The following SH2B1 variants were observed in gnomAD, a reference collection of about 807,000 sequenced individuals.
SH2B1 encodes SH2B adapter protein 1.
Under a neutral mutation model 62.6 loss-of-function variants are expected in SH2B1, and 15 were observed. That is an observed-to-expected ratio of 0.24 (90% CI 0.16 to 0.37). The LOEUF (loss-of-function observed/expected upper bound fraction) is 0.37. Among genes scored for constraint, SH2B1 ranks in the 10% least tolerant of loss-of-function variants. The pLI is 1.00. For missense variants in SH2B1, 925 were observed against 1,015.6 expected (o/e 0.91, Z 1.21); for synonymous variants, 443 against 438.0 (o/e 1.01, Z -0.14).
At chr16:28,858,829 A>G (rs1178120079) in intron 1 of SH2B1, among the ~76,000 whole-genome samples, 1 of 150,332 alleles carries the variant, frequency 6.7e-6, no homozygotes, top group East Asian at 2.0e-4. Context: ...AATCTCAGCT[A>G]TTCGGGAGGC....
Position 28,863,874 on chromosome 16 carries a change from TG to T in SH2B1, c.-2216del. 6.6e-7 allele frequency: 1 copy of T among 1,513,230 alleles called. No individual in the cohort carries two copies. The highest frequency in any genetic ancestry group is 1.2e-5 in the South Asian group (1 of 82,684). 93.7% of individuals were successfully genotyped at this position (1,513,230 alleles called of 1,614,324 possible). On this transcript the variant is annotated 5_prime_UTR_variant, in exon 1 of 8. Transcript: ENST00000684370. Reference sequence around the variant, plus strand: ...GGCTGGGCGCTCGTCGCGTAGTGGGTGGGGGCGCAGGGAGCGGGAGCCGCCG... The same window carrying T: ...GGCTGGGCGCTCGTCGCGTAGTGGGTGGGGCGCAGGGAGCGGGAGCCGCCG...
At position 28,864,105 on chromosome 16, in the gene SH2B1, G is replaced by T; in HGVS notation, c.-1990G>T. ...GTGCAGCAGACAGGGCTGGTCCCGA[G>T]GTGGATGCGGCCCCGGAAAATGGGC... is the stretch of plus-strand genomic sequence containing the variant. On this transcript the variant is annotated 5_prime_UTR_variant, in exon 1 of 8. It adds an upstream start codon to the 5' untranslated region. Transcript: ENST00000684370. 8.1e-7 allele frequency: 1 copy of T among 1,240,540 alleles called. No individual in the cohort carries two copies. Among genetic ancestry groups the T allele is most frequent in the East Asian group, 4.3e-5 (1 of 23,014 alleles). The allele number at this position is 1,240,540 out of a possible 1,614,324, so 76.8% of individuals were successfully genotyped here.
chr16:28,871,030 TG>T (rs1962998780), intron 4 of SH2B1, among the ~76,000 whole-genome samples: 1 of 150,204 alleles, frequency 6.7e-6, no homozygotes, highest in Non-Finnish European at 1.5e-5. Flanking sequence ...TGTGTGTGTG[TG>T]TTTTGAGACA....
chr16:28,871,804 G>A lies in SH2B1; in HGVS notation c.1334G>A (p.Arg445His), dbSNP rs766274908. The stretch of plus-strand genomic sequence containing the variant: ...GGGGCATATGGGGGCCTCTCAGACC[G>A]CCCCTCGGCATCCATCTCCCCCAGC... ...SQGAYGGLSD[R>H]PSASISPSSA... is the part of the protein sequence containing the mutation. Residue 445 changes from arginine (R) to histidine (H), a missense_variant, in exon 5 of 8, where the codon CGC (arginine) becomes CAC (histidine). Physicochemically the swap from Arg to His is conservative, Grantham distance 29. Coordinates refer to ENST00000684370, the MANE Select transcript of SH2B1 (RefSeq NM_001387430.1). The A allele has an allele frequency of 1.2e-6, 2 of 1,613,818 alleles. No individual in the cohort carries two copies. The highest frequency in any genetic ancestry group is 1.1e-5 in the South Asian group (1 of 91,064).
chr16:28,866,894 G>A lies in SH2B1; in HGVS notation c.800G>A (p.Gly267Glu). Residue 267 changes from glycine to glutamate, a missense_variant, in exon 1 of 8, where the codon GGA becomes GAA. By Grantham distance (98) the Gly-to-Glu change is moderately conservative. This residue lies in a region of SH2B1 where 683 missense variants were observed against 704.0 expected (regional missense o/e 0.97). Transcript: ENST00000684370. The surrounding 1 kb of genome is among the most constrained non-coding windows in gnomAD (Gnocchi z 6.3). ...GAEEAAPDPA[G>E]VGRGGGVAGP... ...GAGGAGGCAGCCCCTGACCCAGCCG[G>A]AGTGGGCCGGGGAGGAGGGGTGGCT... 6.2e-7 allele frequency: 1 copy of A among 1,612,330 alleles called. No homozygotes were observed. The highest frequency in any genetic ancestry group is 8.5e-7 in the Non-Finnish European group (1 of 1,179,546).
At chr16:28,871,724 C>T (rs894836585) in intron 4 of SH2B1, 56 bp from the exon 5 acceptor site, 10 of 1,408,064 alleles carry the variant, frequency 7.1e-6, no homozygotes, top group Non-Finnish European at 9.1e-6. Context: ...GGGCCCAGGA[C>T]AGTCCTTTAG....
chr16:28,862,036 CCT>C (rs1962460243), upstream of SH2B1: 1 of 152,184 alleles, frequency 6.6e-6, no homozygotes, highest in Non-Finnish European at 1.5e-5. Flanking sequence ...TCTTCTGGCC[CCT>C]GTGTTCACCT....
upstream of SH2B1, chr16:28,863,236 C>A (rs1962510718): frequency 6.1e-6 from 1 of 165,020 alleles, no homozygotes; most frequent in Non-Finnish European, 1.3e-5. Flanking sequence ...CGGCCCTGAC[C>A]TCATTATTTC....
intron 1 of SH2B1, among the ~76,000 whole-genome samples, chr16:28,848,466 A>G (rs1265797957): frequency 6.6e-6 from 1 of 151,976 alleles, no homozygotes; most frequent in Non-Finnish European, 1.5e-5. Flanking sequence ...TTCAAATGAA[A>G]ACTCAGAGGA....
intron 2 of SH2B1, 78 bp downstream of exon 2, chr16:28,867,510 CG>C: frequency 9.3e-7 from 1 of 1,076,750 alleles, no homozygotes; most frequent in Non-Finnish European, 1.4e-6. Flanking sequence ...CAAGTGGCGT[CG>C]CCGAAAGGAG....
Position 28,873,258 on chromosome 16 carries a change from G to C in SH2B1, c.1898-189G>C. The C allele has an allele frequency of 1.2e-6, 2 of 1,607,720 alleles. No homozygotes were observed. Among genetic ancestry groups the C allele is most frequent in the Non-Finnish European group, 1.7e-6 (2 of 1,178,456 alleles). The stretch of plus-strand genomic sequence containing the variant: ...CCTGCACCCTCATGCCCTTCGGAGC[G>C]AGTGACTGTGTGTAAGTGTGGTCCT... On this transcript the variant is annotated intron_variant, in intron 7 of 7. Coordinates refer to ENST00000684370, the MANE Select transcript of SH2B1 (RefSeq NM_001387430.1). This position sits in a 1 kb window ranked among gnomAD's most constrained non-coding sequence, Gnocchi z 4.2.
chr16:28,872,445 C>T lies in SH2B1; in HGVS notation c.1725+44C>T. 2 of 1,573,098 alleles carry T rather than the reference C, an allele frequency of 1.3e-6. No homozygotes were observed. Among genetic ancestry groups the T allele is most frequent in the East Asian group, 2.2e-5 (1 of 44,496 alleles). ...AAGGCTCTGTTCTGTGCATAGTTGG[C>T]AGTGGGGTGGGGGAGCACTGCCGGG... On this transcript the variant is annotated intron_variant, in intron 6 of 7. Coordinates refer to ENST00000684370, the MANE Select transcript of SH2B1 (RefSeq NM_001387430.1). The surrounding 1 kb of genome is among the most constrained non-coding windows in gnomAD (Gnocchi z 5.3).
Position 28,864,159 on chromosome 16 carries a change from G to T in SH2B1, c.-1936G>T. ...TGGGGGGTGTCCAGGGAGTAGGGTC[G>T]GATCGGAGTATATGGACCACCGGGC... On this transcript the variant is annotated 5_prime_UTR_variant, in exon 1 of 8. The change creates a premature stop within an existing upstream ORF in the 5' untranslated region. Coordinates refer to ENST00000684370, the MANE Select transcript of SH2B1 (RefSeq NM_001387430.1). 8.7e-7 allele frequency: 1 copy of T among 1,149,304 alleles called. No homozygotes were observed. The allele number at this position is 1,149,304 out of a possible 1,614,324, so 71.2% of individuals were successfully genotyped here.
rs1040639888 is a variant in SH2B1, at chr16:28,866,704, G to A, written c.610G>A (p.Gly204Ser). Reference protein sequence around the residue: ...LGGNSNSNSSGGAGTVGRGLV... With the variant: ...LGGNSNSNSSSGAGTVGRGLV... ...TGGAAACAGCAACTCCAACTCCTCT[G>A]GCGGGGCTGGGACCGTTGGTAGGGG... The change falls in exon 1 of 8, where the codon GGC (glycine) becomes AGC (serine). Residue 204 changes from glycine (G) to serine (S), a missense_variant. By Grantham distance (56) the Gly-to-Ser change is moderately conservative. Coordinates refer to ENST00000684370, the MANE Select transcript of SH2B1 (RefSeq NM_001387430.1). The surrounding 1 kb of genome is among the most constrained non-coding windows in gnomAD (Gnocchi z 6.3). The A allele has an allele frequency of 6.3e-7, 1 of 1,593,438 alleles. No homozygotes were observed. The highest frequency in any genetic ancestry group is 1.3e-5 in the African/African-American group (1 of 74,490).
intron 1 of SH2B1, among the ~76,000 whole-genome samples, chr16:28,851,363 C>T (rs1011489810): frequency 2.0e-5 from 3 of 151,896 alleles, no homozygotes; most frequent in African/African-American, 7.3e-5. Context: ...CCTCTGTCAA[C>T]ACTGTGGTTC....
At position 28,866,159 on chromosome 16, in the gene SH2B1, C is replaced by T. The variant is rs749598219; in HGVS notation, c.65C>T (p.Pro22Leu). 18 of 1,552,466 alleles carry T rather than the reference C, an allele frequency of 1.2e-5. No homozygotes were observed. The highest frequency in any genetic ancestry group is 1.5e-5 in the Non-Finnish European group (17 of 1,150,610). The change falls in exon 1 of 8, where the codon CCG becomes CTG. Residue 22 changes from proline (P) to leucine (L), a missense_variant. Physicochemically the swap from Pro to Leu is moderately conservative, Grantham distance 98. Coordinates refer to ENST00000684370, the MANE Select transcript of SH2B1 (RefSeq NM_001387430.1). This position sits in a 1 kb window ranked among gnomAD's most constrained non-coding sequence, Gnocchi z 6.3. ...SPSSPPLPPPPPPSWREFCES... is the reference protein window; with the variant it reads ...SPSSPPLPPPLPPSWREFCES... ...TCGTCTCCCCCGCTGCCCCCACCCCCGCCCCCTAGTTGGCGGGAGTTCTGT... is the reference window on the plus strand; with the variant it reads ...TCGTCTCCCCCGCTGCCCCCACCCCTGCCCCCTAGTTGGCGGGAGTTCTGT...
Position 28,866,400 on chromosome 16 carries a change from G to C in SH2B1, c.306G>C (p.Ser102=). The C allele has an allele frequency of 6.2e-7, 1 of 1,613,714 alleles. No homozygotes were observed. Among genetic ancestry groups the C allele is most frequent in the Middle Eastern group, 1.6e-4 (1 of 6,062 alleles). The change falls in exon 1 of 8, where the codon TCG becomes TCC. Residue 102 remains serine, a synonymous_variant. Coordinates refer to ENST00000684370, the MANE Select transcript of SH2B1 (RefSeq NM_001387430.1). This position sits in a 1 kb window ranked among gnomAD's most constrained non-coding sequence, Gnocchi z 6.3. The part of the protein sequence containing the change: ...LAPLSPGAEI[S]PHDLSLESCR... ...CCCTGAGCCCTGGTGCGGAGATTTC[G>C]CCACATGACCTGTCCCTTGAGAGCT...
chr16:28,869,068 G>A lies in SH2B1; in HGVS notation c.1104G>A (p.Val368=). Reference sequence around the variant, plus strand: ...ATGCCCAGCATGTGAAGGCCTGGGTGTCTGACATCCAAGAATGCCTGAGCC... The same window carrying A: ...ATGCCCAGCATGTGAAGGCCTGGGTATCTGACATCCAAGAATGCCTGAGCC... ...TVDAQHVKAW[V]SDIQECLSPG... is the part of the protein sequence containing the mutation. Residue 368 remains valine, a synonymous_variant, in exon 3 of 8, where the codon GTG becomes GTA. Coordinates refer to ENST00000684370, the MANE Select transcript of SH2B1 (RefSeq NM_001387430.1). 3 of 1,614,168 alleles carry A rather than the reference G, an allele frequency of 1.9e-6. No homozygotes were observed. Among genetic ancestry groups the A allele is most frequent in the Non-Finnish European group, 2.5e-6 (3 of 1,180,000 alleles).
At chr16:28,870,390 A>G (rs1962962428) in intron 4 of SH2B1, among the ~76,000 whole-genome samples, 1 of 152,186 alleles carries the variant, frequency 6.6e-6, no homozygotes, top group South Asian at 2.1e-4. Flanking sequence ...TGGGAGAGAC[A>G]GGGACTGCGA....
Sources: allele counts gnomAD v4.1 joint callset (sites outside exome capture counted in the v4.1 genomes callset), GRCh38; gene constraint gnomAD v4.1.1; regional missense constraint gnomAD v4.1.1; non-coding constraint Gnocchi (gnomAD v3.1); transcripts MANE v1.5; gene names NCBI Gene and HGNC (gene_info 2026-07-23, HGNC 2026-07-21).